Variants in RNF220 observed in about 807,000 individuals in gnomAD.
The protein encoded by RNF220 is ring finger protein 220.
Under a neutral mutation model 67.1 loss-of-function variants are expected in RNF220, and 7 were observed. The ratio of observed to expected loss-of-function variants is 0.10; its 90% CI spans 0.06 to 0.20. The LOEUF is 0.20. Among genes scored for constraint, RNF220 ranks in the 10% least tolerant of loss-of-function variants. The pLI, the probability that RNF220 is intolerant of heterozygous loss-of-function variation, is 1.00. For missense variants in RNF220, 565 were observed against 740.3 expected (o/e 0.76, Z 2.75); for synonymous variants, 270 against 283.2 (o/e 0.95, Z 0.47).
chr1:44,509,146 G>C (rs1658712851), intron 2 of RNF220, among the ~76,000 whole-genome samples: 1 of 152,202 alleles, frequency 6.6e-6, no homozygotes, highest in Non-Finnish European at 1.5e-5. Context: ...GAAAAATCAG[G>C]AAGTCTACTC....
intron 2 of RNF220, among the ~76,000 whole-genome samples, chr1:44,546,193 G>A (rs1480673340): frequency 1.3e-5 from 2 of 152,074 alleles, no homozygotes; most frequent in African/African-American, 4.8e-5. Flanking sequence ...AGAAGCTGGC[G>A]AGCTCACTCT....
At chr1:44,510,255 A>G (rs1572721861) in intron 2 of RNF220, among the ~76,000 whole-genome samples, 1 of 143,998 alleles carries the variant, frequency 6.9e-6, no homozygotes. Flanking sequence ...AAGGAAAGAG[A>G]GAGAGAGAGA....
At chr1:44,643,147 T>A (rs1644535414) in intron 8 of RNF220, 1 of 152,316 alleles carries the variant, frequency 6.6e-6, no homozygotes. Flanking sequence ...AGAGGTGGAT[T>A]GCAGGCTGTG....
At chr1:44,523,679 A>G (rs1159122699) in intron 2 of RNF220, among the ~76,000 whole-genome samples, 1 of 151,982 alleles carries the variant, frequency 6.6e-6, no homozygotes, top group Non-Finnish European at 1.5e-5. Flanking sequence ...CCTGCTTCGC[A>G]TGGTGTTAGG....
chr1:44,464,009 G>A (rs1184242009), intron 2 of RNF220, among the ~76,000 whole-genome samples: 1 of 152,194 alleles, frequency 6.6e-6, no homozygotes, highest in Non-Finnish European at 1.5e-5. Context: ...GGTTCAGTTG[G>A]CATATCTTGC....
At position 44,647,010 on chromosome 1, in the gene RNF220, A is replaced by G. The variant is rs745354387; in HGVS notation, c.1445+1522A>G. On this transcript the variant is annotated intron_variant, in intron 12 of 14. Transcript: ENST00000361799. ...TGGACCAGGGGTTGGAGGCTTGGGT[A>G]TTTCGCCAGAGCCAAGATTGGAGGG... is the stretch of plus-strand genomic sequence containing the variant. 3.8e-4 allele frequency among the ~76,000 whole-genome samples: 58 copies of G among 152,258 alleles called. 1 individual carries two copies. Among genetic ancestry groups the G allele is most frequent in the Non-Finnish European group, 5.9e-5 (4 of 68,000 alleles).
chr1:44,464,448 A>G (rs560608641), intron 2 of RNF220, among the ~76,000 whole-genome samples: 1 of 152,298 alleles, frequency 6.6e-6, no homozygotes, highest in South Asian at 2.1e-4. Flanking sequence ...CTCTACTTGC[A>G]TTATATCCGC....
chr1:44,516,293 T>C (rs1417901796), intron 2 of RNF220, among the ~76,000 whole-genome samples: 1 of 152,168 alleles, frequency 6.6e-6, no homozygotes, highest in Non-Finnish European at 1.5e-5. Flanking sequence ...TGGTAAGTGC[T>C]AAGATAGATG....
rs142203275 is a variant in RNF220 at position 44,585,929 on chromosome 1, C to T, written c.626-28236C>T. On this transcript the variant is annotated intron_variant, in intron 2 of 14. Coordinates refer to ENST00000361799, the MANE Select transcript of RNF220 (RefSeq NM_018150.4). ...ATACCCTGGCAAGCAGCAGACCAGG[C>T]TGTAGACCCGAATCTACCTGACTCC... Among the ~76,000 whole-genome samples, 1,502 of 152,224 alleles carry T rather than the reference C, an allele frequency of 9.9e-3. 24 individuals carry two copies. The highest frequency in any genetic ancestry group is 0.034 in the African/African-American group (1,424 of 41,532).
Position 44,622,622 on chromosome 1 carries a change from G to T in RNF220, c.759-120G>T. 1.2e-6 allele frequency: 1 copy of T among 819,220 alleles called. No homozygotes were observed. The allele number at this position is 819,220 out of a possible 1,614,324, so 50.7% of individuals were successfully genotyped here. A position where few individuals can be genotyped will look rare whatever the true frequency, so the allele number is the denominator to read the frequency against. The stretch of plus-strand genomic sequence containing the variant: ...TGAAAGGACTGGGTGGAGCTTGGCT[G>T]AGCTGGGCTGGGCTAGGCGGTCTAT... On this transcript the variant is annotated intron_variant, in intron 3 of 14. Transcript: ENST00000361799. This position sits in a 1 kb window ranked among gnomAD's most constrained non-coding sequence, Gnocchi z 4.3.
At chr1:44,583,923 C>G (rs1010748082) in intron 2 of RNF220, among the ~76,000 whole-genome samples, 2 of 152,210 alleles carry the variant, frequency 1.3e-5, no homozygotes, top group African/African-American at 4.8e-5. Context: ...TGATTTAAGA[C>G]AGAATGAAAT....
Position 44,438,061 on chromosome 1 carries a change from A to G in RNF220, c.625+25339A>G, listed in dbSNP as rs115921321. Among the ~76,000 whole-genome samples, 115 of 152,320 alleles carry G rather than the reference A, an allele frequency of 7.5e-4. 1 individual carries two copies. The highest frequency in any genetic ancestry group is 1.5e-3 in the Non-Finnish European group (99 of 68,008). ...CCTCCAGCATTGCAATCGTGTATAC[A>G]AAGGATCAACTATTAGAAGTCTTGT... On this transcript the variant is annotated intron_variant, in intron 2 of 14. Coordinates refer to ENST00000361799, the MANE Select transcript of RNF220 (RefSeq NM_018150.4).
intron 2 of RNF220, among the ~76,000 whole-genome samples, chr1:44,451,010 C>T (rs1049173994): frequency 3.9e-5 from 6 of 152,098 alleles, no homozygotes; most frequent in South Asian, 2.1e-4. Context: ...AGTGAAACCC[C>T]GTCTCTACTA....
rs1175546308 is a variant in RNF220 at position 44,449,588 on chromosome 1, A to AT, written c.625+36872dup. 2.6e-5 allele frequency among the ~76,000 whole-genome samples: 4 copies of AT among 151,934 alleles called. No homozygotes were observed. The East Asian group carries it at 7.8e-4, about 29-fold the overall frequency. ...GCCACCATGCCCAGCTAATTGTTTT[A>AT]TTTTTTGTAGAGACACGGTTTTGTC... On this transcript the variant is annotated intron_variant, in intron 2 of 14. Coordinates refer to ENST00000361799, the MANE Select transcript of RNF220 (RefSeq NM_018150.4).
At chr1:44,551,603 A>G (rs1003456412) in intron 2 of RNF220, among the ~76,000 whole-genome samples, 4 of 152,208 alleles carry the variant, frequency 2.6e-5, no homozygotes, top group Non-Finnish European at 4.4e-5. Flanking sequence ...CTCATCATCA[A>G]TGAATGATTA....
At chr1:44,411,683 AG>A (rs1372575765) in intron 1 of RNF220, among the ~76,000 whole-genome samples, 1 of 152,232 alleles carries the variant, frequency 6.6e-6, no homozygotes, top group East Asian at 1.9e-4. Context: ...TCATTTGTTC[AG>A]AGAATATCGT....
Position 44,614,407 on chromosome 1 carries a change from C to T in RNF220, c.758+110C>T, listed in dbSNP as rs1643454706. The T allele has an allele frequency of 1.9e-5, 23 of 1,217,254 alleles. No individual in the cohort carries two copies. The South Asian group carries it at 2.3e-4, about 12-fold the overall frequency. The allele number at this position is 1,217,254 out of a possible 1,614,324, so 75.4% of individuals were successfully genotyped here. A position where few individuals can be genotyped will look rare whatever the true frequency, so the allele number is the denominator to read the frequency against. ...CATACCCCAGCCCCTCGGGAAAAGA[C>T]AGGACCCTGCCACCCTTCTCCACAA... On this transcript the variant is annotated intron_variant, in intron 3 of 14. Transcript: ENST00000361799.
intron 2 of RNF220, among the ~76,000 whole-genome samples, chr1:44,591,317 T>C (rs1281046197): frequency 2.6e-5 from 4 of 152,154 alleles, no homozygotes; most frequent in African/African-American, 9.7e-5. Context: ...AAGACAATGG[T>C]GTGCAAGGTG....
intron 5 of RNF220, among the ~76,000 whole-genome samples, chr1:44,627,344 C>CAAAAAAAAAAAA (rs35722890): frequency 2.4e-5 from 1 of 42,254 alleles, no homozygotes; most frequent in Admixed American, 3.3e-4. Context: ...GACTCCGTCT[C>CAAAAAAAAAAAA]AAAAAAAAAA....
Sources: gnomAD v4.1 joint callset for allele counts (sites outside exome capture counted in the v4.1 genomes callset) on GRCh38, gnomAD v4.1.1 for gene constraint, Gnocchi (gnomAD v3.1) non-coding constraint, MANE v1.5 for transcripts, NCBI Gene and HGNC (gene_info 2026-07-23, HGNC 2026-07-21) for gene names.